Variants in RFX3 observed in about 807,000 individuals in gnomAD.
RFX3 encodes the protein transcription factor RFX3.
RFX3 carries 14 observed loss-of-function variants against 98.6 expected under a neutral mutation model. That is an observed-to-expected ratio of 0.14 (90% CI 0.09 to 0.22). RFX3 has a LOEUF of 0.22. RFX3 is among the 10% of genes least tolerant of loss of function. The pLI is 1.00. For missense variants in RFX3, 639 were observed against 926.9 expected (o/e 0.69, Z 4.03); for synonymous variants, 383 against 328.4 (o/e 1.17, Z -1.80).
At chr9:3,370,042 C>G (rs1211286859) in intron 2 of RFX3, among the ~76,000 whole-genome samples, 1 of 148,014 alleles carries the variant, frequency 6.8e-6, no homozygotes, top group Non-Finnish European at 1.5e-5. Flanking sequence ...GGGGTTTCCC[C>G]GTGTTAGCCA....
chr9:3,382,697 T>A (rs917650479), intron 2 of RFX3, among the ~76,000 whole-genome samples: 3 of 152,326 alleles, frequency 2.0e-5, no homozygotes, highest in Middle Eastern at 6.8e-3. Flanking sequence ...TTAGAGTACC[T>A]GTAATTCTTA....
At chr9:3,346,521 T>C in intron 3 of RFX3, 146 bp downstream of exon 3, 1 of 597,318 alleles carries the variant, frequency 1.7e-6, no homozygotes, top group Non-Finnish European at 3.0e-6. Flanking sequence ...ACAAAAGCTC[T>C]AAACATCAGC....
intron 3 of RFX3, among the ~76,000 whole-genome samples, chr9:3,343,344 A>G (rs1381119861): frequency 6.6e-6 from 1 of 152,200 alleles, no homozygotes; most frequent in African/African-American, 2.4e-5. Flanking sequence ...AGCATTTATT[A>G]TCACACAGAA....
At chr9:3,334,868 C>T (rs1832982140) in intron 3 of RFX3, among the ~76,000 whole-genome samples, 1 of 151,890 alleles carries the variant, frequency 6.6e-6, no homozygotes, top group South Asian at 2.1e-4. Flanking sequence ...GCCCATAATC[C>T]CAGCACTTTG....
At chr9:3,283,058 T>G (rs564843954) in intron 7 of RFX3, among the ~76,000 whole-genome samples, 1 of 151,910 alleles carries the variant, frequency 6.6e-6, no homozygotes, top group African/African-American at 2.4e-5. Flanking sequence ...TGTGATTATT[T>G]ATGTTTCTCC....
At chr9:3,518,731 T>A (rs1005217047) in intron 1 of RFX3, among the ~76,000 whole-genome samples, 14 of 152,190 alleles carry the variant, frequency 9.2e-5, no homozygotes, top group Non-Finnish European at 1.8e-4. Context: ...ATCTTTAATA[T>A]CTAATGAAAG....
At chr9:3,325,037 A>G (rs1187879877) in intron 4 of RFX3, among the ~76,000 whole-genome samples, 2 of 152,156 alleles carry the variant, frequency 1.3e-5, no homozygotes, top group African/African-American at 2.4e-5. Flanking sequence ...AAGGATGAGA[A>G]TTGGGAAACG....
intron 4 of RFX3, among the ~76,000 whole-genome samples, chr9:3,316,923 C>T (rs1279371497): frequency 2.0e-5 from 3 of 152,070 alleles, no homozygotes; most frequent in Admixed American, 1.3e-4. Context: ...GAATCAATAT[C>T]GTGAAAATGG....
chr9:3,469,310 C>A, intron 1 of RFX3: 1 of 300,518 alleles, frequency 3.3e-6, no homozygotes, highest in Non-Finnish European at 6.7e-6. Flanking sequence ...ACCTACCAAT[C>A]TTCTATTTTC....
At chr9:3,275,784 C>T (rs1013026) in intron 8 of RFX3, among the ~76,000 whole-genome samples, 172 bp from the exon 9 acceptor site, 8,507 of 152,016 alleles carry the variant, frequency 0.056, 769 homozygotes, top group African/African-American at 0.19. Flanking sequence ...GCAACATCAT[C>T]AGCACAAAAT....
intron 2 of RFX3, among the ~76,000 whole-genome samples, chr9:3,388,738 CA>C (rs1839979659): frequency 6.6e-6 from 1 of 152,038 alleles, no homozygotes; most frequent in Admixed American, 6.6e-5. Context: ...GTAAAGACTA[CA>C]ATTTCTAATC....
At chr9:3,283,234 C>A (rs1826140147) in intron 7 of RFX3, among the ~76,000 whole-genome samples, 1 of 151,754 alleles carries the variant, frequency 6.6e-6, no homozygotes. Context: ...CTCCAAAACA[C>A]TAAATATCCC....
chr9:3,314,618 C>G lies in RFX3; in HGVS notation c.475-12998G>C, dbSNP rs145161566. Reference sequence around the variant, plus strand: ...TCAAGACCCATCAGCGTGCTGTATTCAGGAGAACCATCTCATGTACAGAGA... The same window carrying G: ...TCAAGACCCATCAGCGTGCTGTATTGAGGAGAACCATCTCATGTACAGAGA... On this transcript the variant is annotated intron_variant, in intron 4 of 16. Coordinates refer to ENST00000617270, the MANE Select transcript of RFX3 (RefSeq NM_001282116.2). 5.1e-4 allele frequency among the ~76,000 whole-genome samples: 78 copies of G among 152,104 alleles called. No individual in the cohort carries two copies. In the East Asian group the frequency reaches 0.012, roughly 23 times the overall value.
chr9:3,284,073 T>C (rs1586874660), intron 7 of RFX3, among the ~76,000 whole-genome samples: 1 of 151,818 alleles, frequency 6.6e-6, no homozygotes, highest in East Asian at 1.9e-4. Context: ...TAGATGTGAT[T>C]GACAGATTGT....
chr9:3,408,018 C>T (rs866251677), intron 1 of RFX3, among the ~76,000 whole-genome samples: 7 of 152,092 alleles, frequency 4.6e-5, no homozygotes, highest in East Asian at 3.9e-4. Context: ...CACACCATAA[C>T]GCCCACTTCT....
Position 3,257,077 on chromosome 9 carries a change from C to A in RFX3, c.1728G>T (p.Val576=). ...CATAGGGTTTCAGTGCTTGCATCATCACATTGTCAAGCCACGCAGCCCACT... is the reference window on the plus strand; with the variant it reads ...CATAGGGTTTCAGTGCTTGCATCATAACATTGTCAAGCCACGCAGCCCACT... ...LEQWAAWLDN[V]MMQALKPYEG... Residue 576 remains valine, a synonymous_variant, in exon 14 of 17, where the codon GTG becomes GTT. Transcript: ENST00000617270. 2 of 1,614,058 alleles carry A rather than the reference C, an allele frequency of 1.2e-6. No individual in the cohort carries two copies. The highest frequency in any genetic ancestry group is 2.2e-5 in the South Asian group (2 of 91,072).
chr9:3,247,558 T>C (rs376249552), intron 15 of RFX3: 1 of 1,144,198 alleles, frequency 8.7e-7, no homozygotes. Flanking sequence ...GCCTCGCACA[T>C]AGTAAGTGTC....
At chr9:3,457,500 G>A (rs1847297167) in intron 1 of RFX3, among the ~76,000 whole-genome samples, 1 of 152,046 alleles carries the variant, frequency 6.6e-6, no homozygotes, top group East Asian at 1.9e-4. Context: ...AAACCCAGGA[G>A]TTCCATAACT....
chr9:3,431,187 A>G (rs1587654564), intron 1 of RFX3, among the ~76,000 whole-genome samples: 1 of 152,194 alleles, frequency 6.6e-6, no homozygotes, highest in South Asian at 2.1e-4. Context: ...TCTTTCCAGT[A>G]AATTGTGTAT....
Sources: allele counts gnomAD v4.1 joint callset (sites outside exome capture counted in the v4.1 genomes callset), GRCh38; gene constraint gnomAD v4.1.1; transcripts MANE v1.5; gene names NCBI Gene and HGNC (gene_info 2026-07-23, HGNC 2026-07-21).